CDH13: variants seen among roughly 807,000 people sequenced by gnomAD.
The protein encoded by CDH13 is cadherin 13.
CDH13 carries 24 observed loss-of-function variants against 63.8 expected under a neutral mutation model. The ratio of observed to expected loss-of-function variants is 0.38; its 90% CI spans 0.27 to 0.53. The LOEUF (loss-of-function observed/expected upper bound fraction) is 0.53. Among genes scored for constraint, CDH13 ranks in the 20% least tolerant of loss-of-function variants. CDH13 has a pLI of 0.85. For synonymous variants in CDH13, 503 were observed against 355.3 expected (o/e 1.42, Z -4.67); for missense variants, 1,049 against 903.1 (o/e 1.16, Z -2.07).
intron 4 of CDH13, among the ~76,000 whole-genome samples, chr16:83,168,576 AGTAAT>A (rs769614364): frequency 1.6e-4 from 25 of 151,988 alleles, no homozygotes; most frequent in Non-Finnish European, 3.4e-4. Context: ...TGATTATAAA[AGTAAT>A]GTTCAGTATT....
intron 10 of CDH13, among the ~76,000 whole-genome samples, chr16:83,740,231 G>A (rs1268732611): frequency 6.6e-6 from 1 of 152,014 alleles, no homozygotes; most frequent in Non-Finnish European, 1.5e-5. Flanking sequence ...TAGAGACCAT[G>A]GTTAAGAGTT....
At chr16:83,648,598 G>A (rs774270400) in intron 8 of CDH13, among the ~76,000 whole-genome samples, 1 of 152,090 alleles carries the variant, frequency 6.6e-6, no homozygotes, top group Non-Finnish European at 1.5e-5. Flanking sequence ...CATAGACATG[G>A]AAATTTCCAT....
At chr16:83,265,881 A>G (rs913464105) in intron 5 of CDH13, among the ~76,000 whole-genome samples, 2 of 151,918 alleles carry the variant, frequency 1.3e-5, no homozygotes, top group African/African-American at 4.8e-5. Flanking sequence ...ATGAGCCTCA[A>G]AATGGGTGAT....
intron 8 of CDH13, among the ~76,000 whole-genome samples, chr16:83,623,477 A>G (rs756684335): frequency 6.6e-6 from 1 of 152,136 alleles, no homozygotes; most frequent in Non-Finnish European, 1.5e-5. Context: ...TTCACTCATC[A>G]TGGTCGTCCC....
At chr16:83,035,006 C>G (rs868318698) in intron 3 of CDH13, among the ~76,000 whole-genome samples, 2 of 151,978 alleles carry the variant, frequency 1.3e-5, no homozygotes, top group African/African-American at 4.8e-5. Context: ...GGGCATTCAT[C>G]TCCCACGTCC....
rs144230064 is a variant in CDH13 at position 83,610,064 on chromosome 16, G to A, written c.1101+7470G>A. On this transcript the variant is annotated intron_variant, in intron 8 of 13. Transcript: ENST00000567109. ...GTGTCTTAGTACTTCATTTCTTTGT[G>A]TGGCTGAATAATACTCCATTCCATG... Among the ~76,000 whole-genome samples, 7 of 152,212 alleles carry A rather than the reference G, an allele frequency of 4.6e-5. No homozygotes were observed. In the East Asian group the frequency reaches 1.3e-3, roughly 29 times the overall value.
At chr16:83,467,320 C>A (rs1013336950) in intron 6 of CDH13, among the ~76,000 whole-genome samples, 3 of 152,126 alleles carry the variant, frequency 2.0e-5, no homozygotes, top group African/African-American at 7.2e-5. Flanking sequence ...AAGCATGTCT[C>A]CTCTGTGACA....
Position 83,217,449 on chromosome 16 carries a change from C to T in CDH13, c.588C>T (p.Ser196=), listed in dbSNP as rs564006725. ...GIFRINENTG[S]VSVTRTLDRE... ...TCAGAATCAATGAGAACACAGGGAG[C>T]GTCTCCGTGACACGGACCTTGGACA... is the stretch of plus-strand genomic sequence containing the variant. The change falls in exon 5 of 14, where the codon AGC becomes AGT. Residue 196 remains serine (S), a synonymous_variant. Coordinates refer to ENST00000567109, the MANE Select transcript of CDH13 (RefSeq NM_001257.5). 3.0e-5 allele frequency: 48 copies of T among 1,613,756 alleles called. No individual in the cohort carries two copies. Among genetic ancestry groups the T allele is most frequent in the African/African-American group, 8.0e-5 (6 of 75,020 alleles).
At chr16:82,878,492 G>A (rs1324365841) in intron 2 of CDH13, among the ~76,000 whole-genome samples, 1 of 95,502 alleles carries the variant, frequency 1.0e-5, no homozygotes, top group African/African-American at 3.7e-5. Context: ...GTTACTTGAG[G>A]CTTACAAGAA....
At chr16:83,365,188 G>C (rs979530548) in intron 6 of CDH13, among the ~76,000 whole-genome samples, 1 of 152,214 alleles carries the variant, frequency 6.6e-6, no homozygotes, top group African/African-American at 2.4e-5. Flanking sequence ...GAAGTCCTGA[G>C]AACCAGAGAG....
chr16:83,264,249 C>G (rs1422311513), intron 5 of CDH13, among the ~76,000 whole-genome samples: 1 of 152,096 alleles, frequency 6.6e-6, no homozygotes, highest in Non-Finnish European at 1.5e-5. Context: ...GAATTTAAGA[C>G]AGGTTGTCAT....
chr16:83,618,113 C>T (rs1374193820), intron 8 of CDH13, among the ~76,000 whole-genome samples: 1 of 152,136 alleles, frequency 6.6e-6, no homozygotes, highest in African/African-American at 2.4e-5. Flanking sequence ...CAATCAGAAT[C>T]TCTGAGTCAT....
At chr16:83,042,150 T>C (rs2151489588) in intron 3 of CDH13, among the ~76,000 whole-genome samples, 1 of 152,344 alleles carries the variant, frequency 6.6e-6, no homozygotes, top group Non-Finnish European at 1.5e-5. Flanking sequence ...TTTATTTCTT[T>C]AAAACAAGAG....
At chr16:83,476,247 A>G (rs2073600996) in intron 6 of CDH13, among the ~76,000 whole-genome samples, 1 of 152,212 alleles carries the variant, frequency 6.6e-6, no homozygotes, top group South Asian at 2.1e-4. Flanking sequence ...ACTAGATGCC[A>G]ATATCACATC....
At chr16:83,189,633 CTCCCTTTGCG>C (rs1383628959) in intron 4 of CDH13, among the ~76,000 whole-genome samples, 1 of 152,190 alleles carries the variant, frequency 6.6e-6, no homozygotes, top group Non-Finnish European at 1.5e-5. Flanking sequence ...ACTTTGTACT[CTCCCTTTGCG>C]TGGTAGCCTG....
At chr16:83,130,316 C>A (rs1567859194) in intron 4 of CDH13, among the ~76,000 whole-genome samples, 1 of 152,216 alleles carries the variant, frequency 6.6e-6, no homozygotes, top group Non-Finnish European at 1.5e-5. Context: ...ACAGCTAGTT[C>A]ATAACAGAGC....
chr16:83,716,500 T>A (rs951328834), intron 10 of CDH13, among the ~76,000 whole-genome samples: 30 of 152,174 alleles, frequency 2.0e-4, no homozygotes, highest in Non-Finnish European at 3.1e-4. Context: ...TTTTTATGTC[T>A]TGAGTCACAG....
intron 5 of CDH13, among the ~76,000 whole-genome samples, chr16:83,270,606 C>T (rs538809242): frequency 2.6e-5 from 4 of 152,254 alleles, no homozygotes; most frequent in African/African-American, 7.2e-5. Context: ...CGAATGGATG[C>T]GGATCCTGTA....
At chr16:82,750,508 G>A (rs1018732344) in intron 1 of CDH13, among the ~76,000 whole-genome samples, 3 of 152,174 alleles carry the variant, frequency 2.0e-5, no homozygotes, top group Non-Finnish European at 4.4e-5. Flanking sequence ...ATTCCAATCT[G>A]AATGTTAGTA....
Sources: allele counts gnomAD v4.1 joint callset (sites outside exome capture counted in the v4.1 genomes callset), GRCh38; gene constraint gnomAD v4.1.1; transcripts MANE v1.5; gene names NCBI Gene and HGNC (gene_info 2026-07-23, HGNC 2026-07-21).